Variants in CSF2RA observed in about 807,000 individuals in gnomAD.
The protein encoded by CSF2RA is colony stimulating factor 2 receptor subunit alpha.
Under a neutral mutation model 51.6 loss-of-function variants are expected in CSF2RA, and 42 were observed. That is an observed-to-expected ratio of 0.81 (90% CI 0.64 to 1.05). The LOEUF (loss-of-function observed/expected upper bound fraction) is 1.05, where lower values mean the gene tolerates loss of function less well. CSF2RA is among the 50% of genes least tolerant of loss of function. CSF2RA has a pLI of 0.00. For synonymous variants in CSF2RA, 222 were observed against 193.0 expected (o/e 1.15, Z -1.24); for missense variants, 530 against 501.1 (o/e 1.06, Z -0.55).
Position 1,302,854 on chromosome X carries a change from C to T in CSF2RA, c.947-1069C>T, listed in dbSNP as rs149147812. On this transcript the variant is annotated intron_variant, in intron 10 of 12. Transcript: ENST00000381529. ...GATTACAGACATGCATCATGCTTGG[C>T]CATTTTTTAAATATTTTTATTTATT... 895 of 272,434 alleles carry T rather than the reference C, an allele frequency of 3.3e-3. 10 individuals carry two copies. Among genetic ancestry groups the T allele is most frequent in the African/African-American group, 0.02 (840 of 41,056 alleles). 16.9% of individuals were successfully genotyped at this position (272,434 alleles called of 1,614,324 possible). A position where few individuals can be genotyped will look rare whatever the true frequency, so the allele number is the denominator to read the frequency against.
intron 12 of CSF2RA, among the ~76,000 whole-genome samples, chrX:1,308,539 C>G (rs1266639668): frequency 2.0e-5 from 3 of 152,052 alleles, no homozygotes; most frequent in Non-Finnish European, 2.9e-5. Context: ...CTCTCCAGCT[C>G]AGGGGCTGTG....
intron 12 of CSF2RA, 163 bp downstream of exon 12, chrX:1,305,690 C>G (rs757022839): frequency 3.8e-6 from 6 of 1,568,246 alleles, no homozygotes; most frequent in Non-Finnish European, 5.2e-6. Flanking sequence ...GGCCTTCTCC[C>G]GGGTCGGGGT....
At chrX:1,292,094 C>G (rs1356421129) in intron 7 of CSF2RA, among the ~76,000 whole-genome samples, 7 of 150,088 alleles carry the variant, frequency 4.7e-5, no homozygotes, top group South Asian at 2.1e-4. Context: ...AGACCCTGCA[C>G]CACCTCCACC....
chrX:1,283,175 CTT>C (rs2090253455), intron 3 of CSF2RA, among the ~76,000 whole-genome samples: 1 of 112,874 alleles, frequency 8.9e-6, no homozygotes, highest in African/African-American at 3.4e-5. Flanking sequence ...TCGTTCCTTC[CTT>C]CCTTCCTTCC....
At chrX:1,311,536 C>T (rs1228535886), downstream of CSF2RA, among the ~76,000 whole-genome samples, 1 of 151,800 alleles carries the variant, frequency 6.6e-6, no homozygotes, top group Admixed American at 6.6e-5. Context: ...CCAGTTCAAG[C>T]AATTCCCCTG....
At chrX:1,310,964 G>C (rs2084152681), downstream of CSF2RA, among the ~76,000 whole-genome samples, 3 of 151,624 alleles carry the variant, frequency 2.0e-5, no homozygotes, top group South Asian at 6.3e-4. Flanking sequence ...AAAGAGGCTG[G>C]TGCCCGGGCA....
intron 2 of CSF2RA, among the ~76,000 whole-genome samples, chrX:1,276,897 G>A (rs1383920283): frequency 6.6e-6 from 1 of 151,732 alleles, no homozygotes; most frequent in African/African-American, 2.4e-5. Context: ...TCAGGAGATC[G>A]AGACCATCCT....
chrX:1,277,976 C>CAA (rs1329295237), intron 2 of CSF2RA, among the ~76,000 whole-genome samples: 3,637 of 104,932 alleles, frequency 0.035, 181 homozygotes, highest in African/African-American at 0.12. Flanking sequence ...GACTCAGTCT[C>CAA]AAAAAAAAAA....
chrX:1,278,181 A>C (rs1201310705), intron 2 of CSF2RA, among the ~76,000 whole-genome samples: 6 of 144,668 alleles, frequency 4.1e-5, no homozygotes, highest in African/African-American at 1.5e-4. Context: ...TAAAAATACA[A>C]AAATTAGCCA....
intron 11 of CSF2RA, among the ~76,000 whole-genome samples, chrX:1,304,746 C>A (rs1218872972): frequency 2.0e-5 from 3 of 151,738 alleles, no homozygotes; most frequent in African/African-American, 7.3e-5. Context: ...CTCACTGCAA[C>A]CTCCACCTCC....
At chrX:1,277,324 G>A (rs1339906831) in intron 2 of CSF2RA, among the ~76,000 whole-genome samples, 1 of 151,932 alleles carries the variant, frequency 6.6e-6, no homozygotes, top group Non-Finnish European at 1.5e-5. Flanking sequence ...GCGGCCGGGC[G>A]CTGTGGCTCA....
At position 1,292,921 on chromosome X, in the gene CSF2RA, A is replaced by C. The variant is rs1420579101; in HGVS notation, c.647-1407A>C. On this transcript the variant is annotated intron_variant, in intron 7 of 12. Transcript: ENST00000381529. Reference sequence around the variant, plus strand: ...TATCTCAGACTGTCTCAGTGGGGGGAACCCTCAGACAATACCCGGGCTCTC... The same window carrying C: ...TATCTCAGACTGTCTCAGTGGGGGGCACCCTCAGACAATACCCGGGCTCTC... Among the ~76,000 whole-genome samples, 7 of 151,898 alleles carry C rather than the reference A, an allele frequency of 4.6e-5. No homozygotes were observed. The East Asian group carries it at 1.4e-3, about 30-fold the overall frequency.
Position 1,293,135 on chromosome X carries a change from G to T in CSF2RA, c.647-1193G>T, listed in dbSNP as rs111311869. On this transcript the variant is annotated intron_variant, in intron 7 of 12. Coordinates refer to ENST00000381529, the MANE Select transcript of CSF2RA (RefSeq NM_172245.4). Reference sequence around the variant, plus strand: ...TAACAGCATCTCAAGGCAAAACAGTGGTTCAACATACAGATCACAATGGAG... The same window carrying T: ...TAACAGCATCTCAAGGCAAAACAGTTGTTCAACATACAGATCACAATGGAG... 6.7e-3 allele frequency among the ~76,000 whole-genome samples: 1,017 copies of T among 152,248 alleles called. 15 individuals carry two copies. The highest frequency in any genetic ancestry group is 0.023 in the African/African-American group (967 of 41,524).
At position 1,288,567 on chromosome X, in the gene CSF2RA, G is replaced by A. The variant is rs768616163; in HGVS notation, c.268G>A (p.Glu90Lys). 6.8e-6 allele frequency: 11 copies of A among 1,613,956 alleles called. No individual in the cohort carries two copies. The highest frequency in any genetic ancestry group is 1.1e-5 in the South Asian group (1 of 91,074). Reference sequence around the variant, plus strand: ...CACATTTCGTGAAATTTGTCTGCATGAAGGAGTCACATTTGAGGTTCACGT... The same window carrying A: ...CACATTTCGTGAAATTTGTCTGCATAAAGGAGTCACATTTGAGGTTCACGT... ...SCTFREICLH[E>K]GVTFEVHVNT... The change falls in exon 5 of 13, where the codon GAA (glutamate) becomes AAA (lysine). Residue 90 changes from glutamate (E) to lysine (K), a missense_variant. Glu to Lys is a moderately conservative substitution (Grantham distance 56). Transcript: ENST00000381529.
chrX:1,318,134 A>G, the CSF2RA span, among the ~76,000 whole-genome samples: 50 of 146,424 alleles, frequency 3.4e-4, no homozygotes, highest in African/African-American at 1.1e-3. Flanking sequence ...GACTACAGGC[A>G]CCCGCCACCA....
At chrX:1,309,251 G>T in intron 12 of CSF2RA, 151 bp from the exon 13 acceptor site, 1 of 784,306 alleles carries the variant, frequency 1.3e-6, no homozygotes, top group Non-Finnish European at 2.1e-6. Context: ...GGAGGCCGAG[G>T]TTGCAGTGAG....
At chrX:1,315,751 GAAA>G in the CSF2RA span, among the ~76,000 whole-genome samples, 2 of 151,338 alleles carry the variant, frequency 1.3e-5, no homozygotes, top group African/African-American at 4.9e-5. Context: ...TAGATAGATA[GAAA>G]ATAGATAAAA....
At chrX:1,281,056 T>TCTC (rs1381027978) in intron 2 of CSF2RA, among the ~76,000 whole-genome samples, 122 of 9,862 alleles carry the variant, frequency 0.012, 2 homozygotes, top group Admixed American at 0.02. Flanking sequence ...CTGCTCCCCT[T>TCTC]CTCCTCCTCC....
chrX:1,324,442 AAAAG>A, the CSF2RA span, among the ~76,000 whole-genome samples: 19 of 72,662 alleles, frequency 2.6e-4, no homozygotes, highest in East Asian at 5.7e-4. Context: ...AGAGAGAGAA[AAAAG>A]AAAGAAAAAG....
Sources: allele counts gnomAD v4.1 joint callset (sites outside exome capture counted in the v4.1 genomes callset), GRCh38; gene constraint gnomAD v4.1.1; transcripts MANE v1.5; gene names NCBI Gene and HGNC (gene_info 2026-07-23, HGNC 2026-07-21).